Variants in COBLL1 observed in about 807,000 individuals in gnomAD.
The protein encoded by COBLL1 is cordon-bleu WH2 repeat protein like 1.
A neutral mutation model predicts 94.8 loss-of-function variants in COBLL1; 50 were observed. The ratio of observed to expected loss-of-function variants is 0.53; its 90% CI spans 0.42 to 0.67. The LOEUF (loss-of-function observed/expected upper bound fraction) is 0.67. Ranked by LOEUF, COBLL1 falls within the 30% of genes least tolerant of loss-of-function variation. The pLI is 0.00. For missense variants in COBLL1, 1,362 were observed against 1,348.7 expected (o/e 1.01, Z -0.15); for synonymous variants, 448 against 473.8 (o/e 0.95, Z 0.71).
chr2:164,692,538 C>T, intron 12 of COBLL1, 141 bp from the exon 13 acceptor site: 1 of 625,728 alleles, frequency 1.6e-6, no homozygotes, highest in Non-Finnish European at 2.7e-6. Context: ...TGTTTCCTCA[C>T]CCACTGAATT....
At chr2:164,727,387 A>G (rs1055390188) in intron 5 of COBLL1, among the ~76,000 whole-genome samples, 2 of 152,102 alleles carry the variant, frequency 1.3e-5, no homozygotes, top group African/African-American at 4.8e-5. Flanking sequence ...TAGACATCAT[A>G]CAAACCAGCA....
intron 2 of COBLL1, among the ~76,000 whole-genome samples, chr2:164,777,227 G>C (rs968630423): frequency 6.6e-6 from 1 of 151,324 alleles, no homozygotes; most frequent in African/African-American, 2.4e-5. Context: ...TCTGTATCTG[G>C]CATATACAAA....
intron 2 of COBLL1, among the ~76,000 whole-genome samples, chr2:164,786,518 T>A (rs1375337323): frequency 6.6e-6 from 1 of 152,108 alleles, no homozygotes; most frequent in Non-Finnish European, 1.5e-5. Flanking sequence ...AGGAGATGGT[T>A]TGGAAAACAG....
intron 3 of COBLL1, among the ~76,000 whole-genome samples, chr2:164,735,407 G>C (rs1311865128): frequency 6.6e-6 from 1 of 152,126 alleles, no homozygotes; most frequent in Non-Finnish European, 1.5e-5. Context: ...ACATTAAATA[G>C]GGTTAAGATC....
chr2:164,660,195 A>G (rs1264509567), intron 2 of COBLL1, among the ~76,000 whole-genome samples: 1 of 152,204 alleles, frequency 6.6e-6, no homozygotes, highest in African/African-American at 2.4e-5. Context: ...CTCTGATAGC[A>G]TAGCACCAAG....
chr2:164,685,907 G>A lies in COBLL1; in HGVS notation c.*39C>T. On this transcript the variant is annotated 3_prime_UTR_variant, in exon 14 of 14. Transcript: ENST00000652658. ...TGTTCCATTAGTATGAAGTTGGTCT[G>A]AAGTGGAAGTGAAGTGCAGTGGTGT... The A allele has an allele frequency of 8.1e-7, 1 of 1,236,906 alleles. No homozygotes were observed. Among genetic ancestry groups the A allele is most frequent in the South Asian group, 1.3e-5 (1 of 79,384 alleles). 76.6% of individuals were successfully genotyped at this position (1,236,906 alleles called of 1,614,324 possible). A position where few individuals can be genotyped will look rare whatever the true frequency, so the allele number is the denominator to read the frequency against.
intron 2 of COBLL1, among the ~76,000 whole-genome samples, chr2:164,823,686 C>T (rs541223816): frequency 2.0e-5 from 3 of 152,322 alleles, no homozygotes; most frequent in East Asian, 3.9e-4. Context: ...AGAACATCCC[C>T]TCTCTGGCAT....
At chr2:164,702,981 GA>G (rs1481435531) in intron 9 of COBLL1, 5 of 639,638 alleles carry the variant, frequency 7.8e-6, no homozygotes, top group East Asian at 5.4e-5. Flanking sequence ...TGAAAAAGGG[GA>G]AACTTCTCTT....
intron 2 of COBLL1, among the ~76,000 whole-genome samples, chr2:164,781,765 A>G (rs1199092623): frequency 1.3e-5 from 2 of 152,198 alleles, no homozygotes; most frequent in Non-Finnish European, 2.9e-5. Context: ...CAAAGGCTTT[A>G]TCTGTGAAGG....
chr2:164,807,093 A>G (rs1049010872), intron 2 of COBLL1, among the ~76,000 whole-genome samples: 20 of 152,048 alleles, frequency 1.3e-4, no homozygotes, highest in African/African-American at 4.3e-4. Flanking sequence ...CCATTACAAC[A>G]TTATTGTTCT....
At chr2:164,713,103 C>G (rs967361812) in intron 7 of COBLL1, among the ~76,000 whole-genome samples, 1 of 152,056 alleles carries the variant, frequency 6.6e-6, no homozygotes. Flanking sequence ...TGTGCTACAT[C>G]CTTTTCCTCT....
chr2:164,743,616 C>T (rs751458624), intron 3 of COBLL1, 71 bp downstream of exon 3: 22 of 1,180,558 alleles, frequency 1.9e-5, no homozygotes, highest in African/African-American at 1.5e-4. Context: ...AACATCAAGA[C>T]GTATATCACA....
intron 2 of COBLL1, among the ~76,000 whole-genome samples, chr2:164,757,575 CTCTG>C (rs1687475500): frequency 8.2e-6 from 1 of 121,604 alleles, no homozygotes; most frequent in Non-Finnish European, 1.9e-5. Context: ...ACACACCTCT[CTCTG>C]TCTGGGTTTC....
At chr2:164,688,914 T>G (rs1464401169) in intron 13 of COBLL1, among the ~76,000 whole-genome samples, 1 of 152,106 alleles carries the variant, frequency 6.6e-6, no homozygotes, top group Non-Finnish European at 1.5e-5. Context: ...AATAACTTGA[T>G]TTTTAGTAAA....
chr2:164,818,139 T>C (rs936304554), intron 2 of COBLL1, among the ~76,000 whole-genome samples: 1 of 151,374 alleles, frequency 6.6e-6, no homozygotes, highest in African/African-American at 2.4e-5. Flanking sequence ...TATGTACATG[T>C]ATATGTACAT....
At chr2:164,808,773 G>A (rs1339458516) in intron 2 of COBLL1, among the ~76,000 whole-genome samples, 1 of 151,998 alleles carries the variant, frequency 6.6e-6, no homozygotes, top group African/African-American at 2.4e-5. Context: ...AAAATTTTAA[G>A]TAAATAACAT....
chr2:164,683,158 G>T lies in COBLL1; in HGVS notation c.*2788C>A, dbSNP rs756359349. The stretch of plus-strand genomic sequence containing the variant: ...AGAGTGGGATGCTGGGGATGAAAAA[G>T]AATGTATTTTATACTCTATCATATA... On this transcript the variant is annotated 3_prime_UTR_variant, in exon 14 of 14. Coordinates refer to ENST00000652658, the MANE Select transcript of COBLL1 (RefSeq NM_001365672.2). 2.0e-5 allele frequency: 3 copies of T among 151,686 alleles called. No homozygotes were observed. The highest frequency in any genetic ancestry group is 1.9e-4 in the East Asian group (1 of 5,178). The allele number at this position is 151,686 out of a possible 1,614,324, so 9.4% of individuals were successfully genotyped here.
chr2:164,795,736 T>C (rs1192570748), intron 2 of COBLL1, among the ~76,000 whole-genome samples: 1 of 152,236 alleles, frequency 6.6e-6, no homozygotes, highest in Non-Finnish European at 1.5e-5. Flanking sequence ...GAGAAAGCCC[T>C]GATAATAGTG....
chr2:164,730,336 A>AT (rs1242180872), intron 3 of COBLL1, among the ~76,000 whole-genome samples: 1 of 151,336 alleles, frequency 6.6e-6, no homozygotes, highest in Non-Finnish European at 1.5e-5. Flanking sequence ...CAAAAAATAA[A>AT]AAAAAAAAAC....
Sources: gnomAD v4.1 joint callset for allele counts (sites outside exome capture counted in the v4.1 genomes callset) on GRCh38, gnomAD v4.1.1 for gene constraint, MANE v1.5 for transcripts, NCBI Gene and HGNC (gene_info 2026-07-23, HGNC 2026-07-21) for gene names.